The following SETBP1 variants were observed in gnomAD, a reference collection of about 807,000 sequenced individuals.
The protein encoded by SETBP1 is SET-binding protein.
A neutral mutation model predicts 101.0 loss-of-function variants in SETBP1; 9 were observed. The ratio of observed to expected loss-of-function variants is 0.09; its 90% CI spans 0.05 to 0.16. The LOEUF (loss-of-function observed/expected upper bound fraction) is 0.16, where lower values mean the gene tolerates loss of function less well. SETBP1 is among the 10% of genes least tolerant of loss of function. SETBP1 has a pLI of 1.00. For synonymous variants in SETBP1, 818 were observed against 788.5 expected (o/e 1.04, Z -0.63); for missense variants, 1,858 against 2,033.8 (o/e 0.91, Z 1.66).
In SETBP1 at chr18:44,788,020, C is replaced by T. The variant is rs556083580; in HGVS notation, c.487-81210C>T. Among the ~76,000 whole-genome samples the T allele has an allele frequency of 5.5e-5, 8 of 146,458 alleles. No individual in the cohort carries two copies. The South Asian group carries it at 8.7e-4, about 16-fold the overall frequency. On this transcript the variant is annotated intron_variant, in intron 2 of 5. Transcript: ENST00000649279. ...TATTGGAGTTTTTTTTTTTTCTTCACAATAGGAGCAGAGCTATGCTTTAGA... is the reference window on the plus strand; with the variant it reads ...TATTGGAGTTTTTTTTTTTTCTTCATAATAGGAGCAGAGCTATGCTTTAGA...
chr18:44,922,871 G>C (rs2070613486), intron 3 of SETBP1, among the ~76,000 whole-genome samples: 1 of 152,164 alleles, frequency 6.6e-6, no homozygotes, highest in African/African-American at 2.4e-5. Context: ...AGAAGCAGAA[G>C]CATTATGATA....
At chr18:44,863,231 A>G (rs987916469) in intron 2 of SETBP1, among the ~76,000 whole-genome samples, 7 of 152,130 alleles carry the variant, frequency 4.6e-5, no homozygotes, top group Admixed American at 2.0e-4. Flanking sequence ...GACCCCTGAC[A>G]TATCTTACAA....
chr18:44,693,133 C>T (rs1013848891), intron 1 of SETBP1, among the ~76,000 whole-genome samples: 2 of 152,296 alleles, frequency 1.3e-5, no homozygotes, highest in East Asian at 3.9e-4. Flanking sequence ...TGTTGTGGAG[C>T]ATTTACTCTG....
chr18:44,834,562 G>A (rs2072453933), intron 2 of SETBP1, among the ~76,000 whole-genome samples: 1 of 152,094 alleles, frequency 6.6e-6, no homozygotes, highest in Non-Finnish European at 1.5e-5. Flanking sequence ...TATAGAAGAG[G>A]CACAGAGCAG....
In SETBP1 at chr18:44,795,350, C is replaced by T. The variant is rs182377231; in HGVS notation, c.487-73880C>T. On this transcript the variant is annotated intron_variant, in intron 2 of 5. Transcript: ENST00000649279. ...TGACCAGTTTATAATTCACTCATTGCTACTTGGCACATCGAACACCAAGTC... is the reference window on the plus strand; with the variant it reads ...TGACCAGTTTATAATTCACTCATTGTTACTTGGCACATCGAACACCAAGTC... 1.7e-3 allele frequency among the ~76,000 whole-genome samples: 258 copies of T among 152,296 alleles called. 1 individual carries two copies. Among genetic ancestry groups the T allele is most frequent in the African/African-American group, 6.0e-3 (251 of 41,564 alleles).
intron 2 of SETBP1, among the ~76,000 whole-genome samples, chr18:44,760,768 C>T (rs542400197): frequency 1.3e-5 from 2 of 152,242 alleles, no homozygotes; most frequent in East Asian, 1.9e-4. Context: ...GGTGTATATA[C>T]TGTTTTTTAA....
chr18:44,978,715 G>A (rs968272846), intron 4 of SETBP1, among the ~76,000 whole-genome samples: 3 of 152,156 alleles, frequency 2.0e-5, no homozygotes, highest in African/African-American at 7.2e-5. Flanking sequence ...TTTATAGATG[G>A]ACATAGAGAT....
intron 2 of SETBP1, among the ~76,000 whole-genome samples, chr18:44,751,260 C>A (rs2070375000): frequency 1.3e-5 from 2 of 152,194 alleles, no homozygotes; most frequent in South Asian, 4.1e-4. Context: ...CAGCTAGCCA[C>A]TGCTAGTCTA....
chr18:44,868,697 A>AC (rs1568190386), intron 2 of SETBP1, among the ~76,000 whole-genome samples: 3 of 74,968 alleles, frequency 4.0e-5, no homozygotes, highest in African/African-American at 1.1e-4. Context: ...AGAGAGAGAG[A>AC]GGACGGAAGG....
intron 2 of SETBP1, among the ~76,000 whole-genome samples, chr18:44,805,165 C>G (rs2144796408): frequency 6.6e-6 from 1 of 152,150 alleles, no homozygotes; most frequent in Admixed American, 6.5e-5. Flanking sequence ...TTTTCTCTCT[C>G]TAGGGATTTA....
chr18:44,741,472 T>C (rs1027675329), intron 2 of SETBP1, among the ~76,000 whole-genome samples: 3 of 152,166 alleles, frequency 2.0e-5, no homozygotes, highest in Non-Finnish European at 4.4e-5. Context: ...CCCTTTTCCT[T>C]TTCGGTTCCA....
chr18:44,701,494 G>A lies in SETBP1; in HGVS notation c.148G>A (p.Val50Met), dbSNP rs368634398. 9.9e-6 allele frequency: 16 copies of A among 1,613,968 alleles called. No homozygotes were observed. In the African/African-American group the frequency reaches 1.3e-4, roughly 13 times the overall value. The change falls in exon 2 of 6, where the codon GTG (valine) becomes ATG (methionine). Residue 50 changes from valine (V) to methionine (M), a missense_variant. This residue lies in a region of SETBP1 where 97 missense variants were observed against 101.2 expected (regional missense o/e 0.96). Coordinates refer to ENST00000649279, the MANE Select transcript of SETBP1 (RefSeq NM_015559.3). ...TCCAGGACCTGGGAAGGGGATCCCG[G>A]TGGGCGGAGAGCGCATGGAGCCAGA... ...STPGPGKGIP[V>M]GGERMEPEEE...
chr18:45,055,560 T>G (rs543521891), intron 5 of SETBP1, among the ~76,000 whole-genome samples: 72 of 151,508 alleles, frequency 4.8e-4, no homozygotes, highest in Non-Finnish European at 6.6e-4. Context: ...AAAATCTTGG[T>G]TTTTTTTTAA....
chr18:44,687,720 G>T (rs576967979), intron 1 of SETBP1, among the ~76,000 whole-genome samples: 2 of 152,192 alleles, frequency 1.3e-5, no homozygotes, highest in Non-Finnish European at 2.9e-5. Flanking sequence ...GAGCTTTGCT[G>T]CTGCTTCCTG....
chr18:44,738,765 CTCCATCTCAAAAAA>C (rs964997376), intron 2 of SETBP1, among the ~76,000 whole-genome samples: 3 of 137,912 alleles, frequency 2.2e-5, no homozygotes, highest in Admixed American at 7.4e-5. Context: ...CAGAGCGAGA[CTCCATCTCAAAAAA>C]AAAAAAAAAA....
chr18:44,909,160 G>A (rs942732029), intron 3 of SETBP1, among the ~76,000 whole-genome samples: 1 of 152,192 alleles, frequency 6.6e-6, no homozygotes, highest in East Asian at 1.9e-4. Flanking sequence ...GAAGGAAGGA[G>A]CAATTGAAAG....
At position 45,038,610 on chromosome 18, in the gene SETBP1, C is replaced by T. The variant is rs2145495440; in HGVS notation, c.4126C>T (p.Pro1376Ser). The T allele has an allele frequency of 1.9e-6, 3 of 1,614,162 alleles. No homozygotes were observed. Among genetic ancestry groups the T allele is most frequent in the Non-Finnish European group, 2.5e-6 (3 of 1,180,026 alleles). Reference protein sequence around the residue: ...AVDSVTIPPAPVLSLLAASAA... With the variant: ...AVDSVTIPPASVLSLLAASAA... ...TGACAGTGTTACAATTCCACCAGCC[C>T]CAGTGTTATCTCTCCTTGCTGCATC... Residue 1376 changes from proline to serine, a missense_variant, in exon 5 of 6, where the codon CCA (proline) becomes TCA (serine). By Grantham distance (74) the Pro-to-Ser change is moderately conservative (BLOSUM62 -1). Coordinates refer to ENST00000649279, the MANE Select transcript of SETBP1 (RefSeq NM_015559.3).
rs968354286 is a variant in SETBP1, at chr18:44,716,822, G to A, written c.486+14990G>A. On this transcript the variant is annotated intron_variant, in intron 2 of 5. Coordinates refer to ENST00000649279, the MANE Select transcript of SETBP1 (RefSeq NM_015559.3). ...AAGTGATCCACCCACCTTGGCCTCC[G>A]AAAGTGCTGGGATTATGGCATTAGC... is the stretch of plus-strand genomic sequence containing the variant. 2.6e-5 allele frequency among the ~76,000 whole-genome samples: 4 copies of A among 152,202 alleles called. No individual in the cohort carries two copies. The East Asian group carries it at 5.8e-4, about 22-fold the overall frequency.
chr18:44,738,523 C>G (rs139528089), intron 2 of SETBP1, among the ~76,000 whole-genome samples: 411 of 152,218 alleles, frequency 2.7e-3, no homozygotes, highest in South Asian at 5.2e-3. Flanking sequence ...CCTGTAATCC[C>G]AGCACTTTGG....
Sources: allele counts gnomAD v4.1 joint callset (sites outside exome capture counted in the v4.1 genomes callset), GRCh38; gene constraint gnomAD v4.1.1; regional missense constraint gnomAD v4.1.1; transcripts MANE v1.5; gene names NCBI Gene and HGNC (gene_info 2026-07-23, HGNC 2026-07-21).